ERO1B: variants seen among roughly 807,000 people sequenced by gnomAD.
The protein encoded by ERO1B is endoplasmic reticulum oxidoreductase 1 beta, also known as ERO1-like protein beta.
ERO1B carries 49 observed loss-of-function variants against 75.3 expected under a neutral mutation model. The ratio of observed to expected loss-of-function variants is 0.65; its 90% confidence interval spans 0.52 to 0.83. ERO1B has a LOEUF of 0.83. Among genes scored for constraint, ERO1B ranks in the 40% least tolerant of loss-of-function variants. The pLI, the probability that ERO1B is intolerant of heterozygous loss-of-function variation, is 0.00. For synonymous variants in ERO1B, 191 were observed against 192.9 expected, an observed-to-expected ratio of 0.99 and a Z score of 0.08; for missense variants, 512 against 560.1, an observed-to-expected ratio of 0.91 and a Z score of 0.87.
intron 7 of ERO1B, 96 bp from the exon 8 acceptor site, chr1:236,235,931 T>C: frequency 1.9e-6 from 2 of 1,060,514 alleles, no homozygotes; most frequent in South Asian, 1.5e-5. Context: ...CTCCCCACCC[T>C]CTTTTTTTTT....
intron 2 of ERO1B, among the ~76,000 whole-genome samples, chr1:236,265,627 C>T (rs547963793): frequency 1.3e-5 from 2 of 152,214 alleles, no homozygotes; most frequent in Non-Finnish European, 2.9e-5. Context: ...TCTACCCTTA[C>T]AGTCTTTTTT....
At chr1:236,261,722 T>C (rs1333097701) in intron 2 of ERO1B, among the ~76,000 whole-genome samples, 1 of 152,220 alleles carries the variant, frequency 6.6e-6, no homozygotes, top group Non-Finnish European at 1.5e-5. Context: ...TAAAGTGATC[T>C]ACAGATTCAA....
At chr1:236,274,349 A>G (rs2695035) in intron 1 of ERO1B, among the ~76,000 whole-genome samples, 139,165 of 152,106 alleles carry the variant, frequency 0.91, 64,888 homozygotes, top group East Asian at 1. Flanking sequence ...AGCATGAAAG[A>G]TTATCTTTTT....
At chr1:236,230,310 T>A in intron 9 of ERO1B, 60 bp from the exon 10 acceptor site, 1 of 1,427,692 alleles carries the variant, frequency 7.0e-7, no homozygotes, top group Non-Finnish European at 9.8e-7. Context: ...GTAGAATAAA[T>A]TAGGTTTATA....
chr1:236,250,690 TTATATATACACACACATA>T (rs1665004076), intron 4 of ERO1B, among the ~76,000 whole-genome samples: 1 of 124,304 alleles, frequency 8.0e-6, no homozygotes, highest in Admixed American at 8.8e-5. Context: ...TATATAAAAG[TTATATATACACACACATA>T]TATATATACA....
chr1:236,217,721 TA>T lies in ERO1B; in HGVS notation c.*794del, dbSNP rs996947178. The T allele has an allele frequency of 2.6e-5, 4 of 152,456 alleles. No individual in the cohort carries two copies. The highest frequency in any genetic ancestry group is 9.6e-5 in the African/African-American group (4 of 41,460). The allele number at this position is 152,456 out of a possible 1,614,324, so 9.4% of individuals were successfully genotyped here. A position where few individuals can be genotyped will look rare whatever the true frequency, so the allele number is the denominator to read the frequency against. ...ACAATTTCCAAAATGTCTTTGTCCC[TA>T]AAATTTCTAGGGGCAGAGAAAAGCA... On this transcript the variant is annotated 3_prime_UTR_variant, in exon 16 of 16. Transcript: ENST00000354619.
In ERO1B at chr1:236,249,986, GT is replaced by G; in HGVS notation, c.349-20del. ...TCAAGTACTGCAAAGAAGTTCGTAA[GT>G]TTAGTAAAAATTATTACCTTATTCT... On this transcript the variant is annotated intron_variant, in intron 4 of 15. Transcript: ENST00000354619. The G allele has an allele frequency of 6.5e-7, 1 of 1,533,526 alleles. No homozygotes were observed. The highest frequency in any genetic ancestry group is 8.9e-7 in the Non-Finnish European group (1 of 1,129,082). The allele number at this position is 1,533,526 out of a possible 1,614,324, so 95.0% of individuals were successfully genotyped here.
chr1:236,223,202 CA>C (rs11322079), intron 13 of ERO1B, among the ~76,000 whole-genome samples: 33,820 of 81,002 alleles, frequency 0.42, 4,177 homozygotes, highest in East Asian at 0.49. Flanking sequence ...AACTCTGTCT[CA>C]AAAAAAAAAA....
At position 236,225,117 on chromosome 1, in the gene ERO1B, C is replaced by T; in HGVS notation, c.1075G>A (p.Glu359Lys). 1 of 1,613,866 alleles carries T rather than the reference C, an allele frequency of 6.2e-7. No individual in the cohort carries two copies. The highest frequency in any genetic ancestry group is 2.2e-5 in the East Asian group (1 of 44,864). ...TTGTCACCTGCAAACATGGATTTCT[C>T]ATCAAAGTGCATGGGAAAGGACCTG... ...DTKSFPMHFD[E>K]KSMFAGDKKG... The change falls in exon 13 of 16, where the codon GAG (glutamate) becomes AAG (lysine). Residue 359 changes from glutamate (E) to lysine (K), a missense_variant. Glu to Lys is a moderately conservative substitution (Grantham distance 56). Coordinates refer to ENST00000354619, the MANE Select transcript of ERO1B (RefSeq NM_019891.4).
At chr1:236,233,882 G>A (rs1342652896) in intron 8 of ERO1B, among the ~76,000 whole-genome samples, 3 of 152,172 alleles carry the variant, frequency 2.0e-5, no homozygotes, top group African/African-American at 7.2e-5. Flanking sequence ...AGGCCTAGAG[G>A]TGAGGAAGAG....
At chr1:236,276,948 T>C (rs1265186565) in intron 1 of ERO1B, among the ~76,000 whole-genome samples, 1 of 152,176 alleles carries the variant, frequency 6.6e-6, no homozygotes, top group Non-Finnish European at 1.5e-5. Context: ...GTTCTCCTGA[T>C]AGTGAGCTCT....
rs999909392 is a variant in ERO1B, at chr1:236,232,737, T to C, written c.685+91A>G. Reference sequence around the variant, plus strand: ...ATTTTCTTAGAAAACAGGAATACTTTCTTTTGAATTCCATAAAGGAAAAAT... The same window carrying C: ...ATTTTCTTAGAAAACAGGAATACTTCCTTTTGAATTCCATAAAGGAAAAAT... On this transcript the variant is annotated intron_variant, in intron 9 of 15. Transcript: ENST00000354619. 6 of 1,195,566 alleles carry C rather than the reference T, an allele frequency of 5.0e-6. No individual in the cohort carries two copies. The African/African-American group carries it at 6.2e-5, about 12-fold the overall frequency. 74.1% of individuals were successfully genotyped at this position (1,195,566 alleles called of 1,614,324 possible).
At chr1:236,267,951 C>T (rs1318719613) in intron 2 of ERO1B, 1 of 151,064 alleles carries the variant, frequency 6.6e-6, no homozygotes, top group Admixed American at 6.6e-5. Context: ...AGGAACGGTG[C>T]ACCCCTCCGG....
Position 236,230,807 on chromosome 1 carries a change from A to G in ERO1B, c.686-557T>C, listed in dbSNP as rs554257461. On this transcript the variant is annotated intron_variant, in intron 9 of 15. Coordinates refer to ENST00000354619, the MANE Select transcript of ERO1B (RefSeq NM_019891.4). ...TTTTTAAGAAAACATTTCAGTCAAA[A>G]TATGAGCTGGCCACAGTGGCTTGGA... 2.0e-5 allele frequency among the ~76,000 whole-genome samples: 3 copies of G among 152,194 alleles called. No individual in the cohort carries two copies. In the South Asian group the frequency reaches 6.2e-4, roughly 32 times the overall value.
chr1:236,246,334 A>T (rs1664886047), intron 5 of ERO1B, among the ~76,000 whole-genome samples: 1 of 148,148 alleles, frequency 6.8e-6, no homozygotes, highest in East Asian at 2.0e-4. Flanking sequence ...GCACCTGGCT[A>T]TTTTTTTTTT....
rs905038327 is a variant in ERO1B at position 236,265,389 on chromosome 1, T to C, written c.222+4486A>G. 2.0e-5 allele frequency among the ~76,000 whole-genome samples: 3 copies of C among 152,204 alleles called. No homozygotes were observed. The East Asian group carries it at 5.8e-4, about 29-fold the overall frequency. ...GTCATGATTTTACATATATGTACATTTGTGCTTGTATATGTGCACTCAAAA... is the reference window on the plus strand; with the variant it reads ...GTCATGATTTTACATATATGTACATCTGTGCTTGTATATGTGCACTCAAAA... On this transcript the variant is annotated intron_variant, in intron 2 of 15. Coordinates refer to ENST00000354619, the MANE Select transcript of ERO1B (RefSeq NM_019891.4).
intron 5 of ERO1B, among the ~76,000 whole-genome samples, chr1:236,247,300 C>T (rs1558514227): frequency 6.6e-6 from 1 of 152,186 alleles, no homozygotes; most frequent in Non-Finnish European, 1.5e-5. Context: ...TTGACTATAA[C>T]TTTGTCTCAG....
intron 6 of ERO1B, among the ~76,000 whole-genome samples, chr1:236,241,090 C>G (rs1354919720): frequency 6.6e-6 from 1 of 152,172 alleles, no homozygotes; most frequent in Non-Finnish European, 1.5e-5. Flanking sequence ...GGATCATCTT[C>G]CATTCAAATG....
intron 1 of ERO1B, among the ~76,000 whole-genome samples, chr1:236,277,717 T>C (rs529680507): frequency 2.4e-4 from 37 of 152,254 alleles, no homozygotes; most frequent in South Asian, 6.2e-4. Flanking sequence ...AGAGTAAGGA[T>C]AGATGAAAAG....
Sources: allele counts gnomAD v4.1 joint callset (sites outside exome capture counted in the v4.1 genomes callset), GRCh38; gene constraint gnomAD v4.1.1; transcripts MANE v1.5; gene names NCBI Gene and HGNC (gene_info 2026-07-23, HGNC 2026-07-21).